Variants in ABCD4 observed in about 807,000 individuals in gnomAD.
ABCD4 encodes ATP binding cassette subfamily D member 4.
Under a neutral mutation model 86.3 loss-of-function variants are expected in ABCD4, and 53 were observed. The observed-to-expected ratio is 0.61, with a 90% CI of 0.49 to 0.77. ABCD4 has a LOEUF of 0.77. ABCD4 is among the 30% of genes least tolerant of loss of function. The pLI is 0.00. For missense variants in ABCD4, 757 were observed against 764.5 expected, an observed-to-expected ratio of 0.99 and a Z score of 0.12; for synonymous variants, 328 against 313.6, an observed-to-expected ratio of 1.05 and a Z score of -0.49.
Position 74,297,923 on chromosome 14 carries a change from C to A in ABCD4, c.425+7G>T, listed in dbSNP as rs375608814. 1 of 1,609,716 alleles carries A rather than the reference C, an allele frequency of 6.2e-7. No individual in the cohort carries two copies. The highest frequency in any genetic ancestry group is 1.3e-5 in the African/African-American group (1 of 74,610). On this transcript the variant is annotated splice_region_variant and intron_variant, in intron 4 of 18. Coordinates refer to ENST00000356924, the MANE Select transcript of ABCD4 (RefSeq NM_005050.4). The stretch of plus-strand genomic sequence containing the variant: ...GAGTGTAGAAAGGACTGAGTTGGGG[C>A]GCCTACGGGTTATCGATGTCATCCC...
chr14:74,297,616 T>C, intron 4 of ABCD4: 1 of 682,282 alleles, frequency 1.5e-6, no homozygotes, highest in Non-Finnish European at 1.9e-6. Flanking sequence ...TAGAGTACAG[T>C]GGCTATTCCC....
chr14:74,294,057 CT>C (rs58682308), intron 7 of ABCD4: 39,744 of 145,538 alleles, frequency 0.27, 7,761 homozygotes, highest in African/African-American at 0.55. Flanking sequence ...CAACTTTTTT[CT>C]TTTTTTTTTT....
rs1247317576 is a variant in ABCD4, at chr14:74,299,604, C to G, written c.229G>C (p.Glu77Gln). 1.9e-6 allele frequency: 3 copies of G among 1,614,006 alleles called. No homozygotes were observed. In the South Asian group the frequency reaches 3.3e-5, roughly 18 times the overall value. ...YYGVLGNKDLEGFKTLTFLAV... is the reference protein window; with the variant it reads ...YYGVLGNKDLQGFKTLTFLAV... ...AGGAATGTCAGAGTCTTAAACCCTT[C>G]CAAGTCTTTGTTTCCCAGGACCCCA... Residue 77 changes from glutamate (E) to glutamine (Q), a missense_variant, in exon 3 of 19, where the codon GAA (glutamate) becomes CAA (glutamine). Physicochemically the swap from Glu to Gln is conservative, Grantham distance 29. Transcript: ENST00000356924.
Position 74,299,983 on chromosome 14 carries a change from A to T in ABCD4, c.157+167T>A, listed in dbSNP as rs534687532. ...GAGGCGAAGGCAGGAGAATCACTTG[A>T]ACCAGGGAGGCAGAGGTTGCAGTGA... On this transcript the variant is annotated intron_variant, in intron 2 of 18. Coordinates refer to ENST00000356924, the MANE Select transcript of ABCD4 (RefSeq NM_005050.4). 5.3e-5 allele frequency: 31 copies of T among 590,438 alleles called. 2 individuals are homozygous for T. In the South Asian group the frequency reaches 6.6e-4, roughly 13 times the overall value. 36.6% of individuals were successfully genotyped at this position (590,438 alleles called of 1,614,324 possible). A position where few individuals can be genotyped will look rare whatever the true frequency, so the allele number is the denominator to read the frequency against.
chr14:74,288,125 C>G, intron 16 of ABCD4, 82 bp downstream of exon 16: 1 of 1,468,032 alleles, frequency 6.8e-7, no homozygotes, highest in Non-Finnish European at 9.4e-7. Flanking sequence ...GGTCAGGAGC[C>G]GTTCCATTCC....
rs147329563 is a variant in ABCD4 at position 74,302,890 on chromosome 14, G to A, written c.23C>T (p.Pro8Leu). Residue 8 changes from proline (P) to leucine (L), a missense_variant, in exon 1 of 19, where the codon CCC (proline) becomes CTC (leucine). Pro to Leu is a moderately conservative substitution (Grantham distance 98, BLOSUM62 -3). Transcript: ENST00000356924. Reference protein sequence around the residue: MAVAGPAPGAGARPRLDL... With the variant: MAVAGPALGAGARPRLDL... ...CCCTGCTTACCTGGCGCCAGCTCCGGGCGCGGGCCCCGCGACCGCCATGAC... is the reference window on the plus strand; with the variant it reads ...CCCTGCTTACCTGGCGCCAGCTCCGAGCGCGGGCCCCGCGACCGCCATGAC... 3.7e-6 allele frequency: 6 copies of A among 1,607,466 alleles called. No individual in the cohort carries two copies. The highest frequency in any genetic ancestry group is 2.7e-5 in the African/African-American group (2 of 74,382).
intron 2 of ABCD4, 159 bp downstream of exon 2, chr14:74,299,991 A>AG: frequency 1.7e-6 from 1 of 578,498 alleles, no homozygotes; most frequent in Non-Finnish European, 3.0e-6. Flanking sequence ...TGAACCAGGG[A>AG]GGCAGAGGTT....
intron 14 of ABCD4, 104 bp downstream of exon 14, chr14:74,289,379 C>T (rs1053537301): frequency 6.5e-7 from 1 of 1,530,922 alleles, no homozygotes; most frequent in Non-Finnish European, 8.8e-7. Context: ...AATCAGCGGC[C>T]TGGCTGGAGC....
chr14:74,289,489 C>T lies in ABCD4; in HGVS notation c.1450G>A (p.Asp484Asn), dbSNP rs374372200. 1.2e-4 allele frequency: 186 copies of T among 1,612,384 alleles called. No homozygotes were observed. The highest frequency in any genetic ancestry group is 1.4e-4 in the Non-Finnish European group (167 of 1,179,454). Residue 484 changes from aspartate to asparagine, a missense_variant, in exon 14 of 19, where the codon GAC (aspartate) becomes AAC (asparagine). Transcript: ENST00000356924. ...CTAAGGAGGACCAGCTCACCTGAGT[C>T]GGGGTAGACCTCCTTCAGGGGATAT... ...VIYPLKEVYP[D>N]SGSADDERIL... is the part of the protein sequence containing the mutation.
Position 74,287,551 on chromosome 14 carries a change from CAAAA to C in ABCD4, c.1636+255_1636+258del, listed in dbSNP as rs67310859. ...CCTGGGTGACAGAGTGAGACTGTCT[CAAAA>C]AAAAAAAAAAAAAAAGAAAAGAAAA... On this transcript the variant is annotated intron_variant, in intron 17 of 18. Transcript: ENST00000356924. Among the ~76,000 whole-genome samples, 51 of 107,304 alleles carry C rather than the reference CAAAA, an allele frequency of 4.8e-4. 1 individual carries two copies. Among genetic ancestry groups the C allele is most frequent in the Admixed American group, 7.7e-4 (8 of 10,324 alleles). The allele number at this position is 107,304 out of a possible 152,430, so 70.4% of individuals were successfully genotyped here. A position where few individuals can be genotyped will look rare whatever the true frequency, so the allele number is the denominator to read the frequency against.
At chr14:74,286,635 GGCCCT>G in intron 18 of ABCD4, 61 bp downstream of exon 18, 4 of 1,612,830 alleles carry the variant, frequency 2.5e-6, no homozygotes, top group Non-Finnish European at 3.4e-6. Flanking sequence ...AGGGGCCTCT[GGCCCT>G]GGCCAGGCTG....
chr14:74,300,925 T>A (rs2084281408), intron 1 of ABCD4, among the ~76,000 whole-genome samples: 2 of 151,860 alleles, frequency 1.3e-5, no homozygotes, highest in Non-Finnish European at 2.9e-5. Context: ...CAATCTCGGA[T>A]CACTGCAACC....
intron 11 of ABCD4, 89 bp from the exon 12 acceptor site, chr14:74,290,588 T>C: frequency 2.1e-6 from 2 of 948,244 alleles, no homozygotes; most frequent in South Asian, 1.4e-5. Flanking sequence ...CCACCACCTG[T>C]GGATTATTAT....
At chr14:74,302,154 A>T (rs2084762561) in intron 1 of ABCD4, among the ~76,000 whole-genome samples, 1 of 152,174 alleles carries the variant, frequency 6.6e-6, no homozygotes, top group African/African-American at 2.4e-5. Flanking sequence ...ATGCACAAGG[A>T]GACAACTGCC....
rs765914441 is a variant in ABCD4, at chr14:74,292,583, C to A, written c.996G>T (p.Thr332=). Residue 332 remains threonine, a synonymous_variant, in exon 10 of 19, where the codon ACG becomes ACT. Coordinates refer to ENST00000356924, the MANE Select transcript of ABCD4 (RefSeq NM_005050.4). Reference sequence around the variant, plus strand: ...TGTAGCCAGCCACATCTGAGAGCGTCGTGGACAGGTCGATGAGCTGGGTGA... The same window carrying A: ...TGTAGCCAGCCACATCTGAGAGCGTAGTGGACAGGTCGATGAGCTGGGTGA... ...SCFTQLIDLS[T]TLSDVAGYTH... is the part of the protein sequence containing the mutation. The A allele has an allele frequency of 6.2e-7, 1 of 1,614,014 alleles. No homozygotes were observed. Among genetic ancestry groups the A allele is most frequent in the South Asian group, 1.1e-5 (1 of 91,038 alleles).
At chr14:74,290,173 T>G in intron 12 of ABCD4, 55 bp from the exon 13 acceptor site, 1 of 1,610,610 alleles carries the variant, frequency 6.2e-7, no homozygotes, top group South Asian at 1.1e-5. Flanking sequence ...GGCAACTGCC[T>G]GTCTCCTCTC....
chr14:74,295,128 A>G lies in ABCD4; in HGVS notation c.719+20T>C, dbSNP rs1263148671. On this transcript the variant is annotated intron_variant, in intron 7 of 18. Transcript: ENST00000356924. ...CTCAGCTCTGGCAAGGCAGAAGGGGAACCATCTCTCCAGACTCACCTGTAG... is the reference window on the plus strand; with the variant it reads ...CTCAGCTCTGGCAAGGCAGAAGGGGGACCATCTCTCCAGACTCACCTGTAG... The G allele has an allele frequency of 3.1e-6, 5 of 1,613,808 alleles. No individual in the cohort carries two copies.
intron 6 of ABCD4, 34 bp downstream of exon 6, chr14:74,295,820 C>A (rs1480193582): frequency 6.2e-7 from 1 of 1,612,282 alleles, no homozygotes; most frequent in Admixed American, 1.7e-5. Context: ...ACTATTATGC[C>A]CCAGCCCAGA....
rs2301345 is a variant in ABCD4 at position 74,299,649 on chromosome 14, A to G, written c.184T>C (p.Leu62=). ...ACCCCATAGTACTGACTGGGGATCA[A>G]GCCAACCTGGTAGATCACAAATTGC... ...LEQFVIYQVG[L]IPSQYYGVLG... The change falls in exon 3 of 19, where the codon TTG becomes CTG. Residue 62 remains leucine (L), a synonymous_variant. Transcript: ENST00000356924. The G allele has an allele frequency of 0.35, 559,913 of 1,612,364 alleles. 100,730 individuals are homozygous for G. The highest frequency in any genetic ancestry group is 0.52 in the Middle Eastern group (3,171 of 6,054).
Sources: gnomAD v4.1 joint callset for allele counts (sites outside exome capture counted in the v4.1 genomes callset) on GRCh38, gnomAD v4.1.1 for gene constraint, MANE v1.5 for transcripts, NCBI Gene and HGNC (gene_info 2026-07-23, HGNC 2026-07-21) for gene names.